KCNQ5: variants seen among roughly 807,000 people sequenced by gnomAD.
The protein encoded by KCNQ5 is potassium voltage-gated channel subfamily KQT member 5.
A neutral mutation model predicts 98.2 loss-of-function variants in KCNQ5; 30 were observed. That is an observed-to-expected ratio of 0.31 (90% confidence interval 0.23 to 0.41). The LOEUF is 0.41. Among genes scored for constraint, KCNQ5 ranks in the 10% least tolerant of loss-of-function variants. The probability of loss-of-function intolerance (pLI) is 1.00; values close to 1 mark genes in which losing one functional copy is unlikely to be tolerated. For synonymous variants in KCNQ5, 458 were observed against 449.4 expected, an observed-to-expected ratio of 1.02 and a Z score of -0.24; for missense variants, 835 against 1,182.5, an observed-to-expected ratio of 0.71 and a Z score of 4.31.
rs758445586 is a variant in KCNQ5 at position 72,622,611 on chromosome 6, T to A, written c.398+24T>A. ...GTGTGAGTACCCGCGCCCCCTGCTA[T>A]GCCCGCTGCAGGGGACCACTGTCCC... On this transcript the variant is annotated intron_variant, in intron 1 of 13. Coordinates refer to ENST00000370398, the MANE Select transcript of KCNQ5 (RefSeq NM_019842.4). This position sits in a 1 kb window ranked among gnomAD's most constrained non-coding sequence, Gnocchi z 6.0. 3 of 1,610,458 alleles carry A rather than the reference T, an allele frequency of 1.9e-6. No homozygotes were observed. In the African/African-American group the frequency reaches 4.0e-5, roughly 22 times the overall value.
intron 1 of KCNQ5, among the ~76,000 whole-genome samples, chr6:72,748,541 G>A (rs1224581063): frequency 1.3e-5 from 2 of 152,084 alleles, no homozygotes; most frequent in African/African-American, 4.8e-5. Context: ...TAATAACTGA[G>A]AAAAGACTGT....
At chr6:72,746,429 C>T (rs529258018) in intron 1 of KCNQ5, among the ~76,000 whole-genome samples, 1 of 152,260 alleles carries the variant, frequency 6.6e-6, no homozygotes, top group East Asian at 1.9e-4. Context: ...TCAGAAAGCA[C>T]TGGGAGGCAG....
intron 9 of KCNQ5, among the ~76,000 whole-genome samples, chr6:73,124,952 TA>T (rs1283503240): frequency 0.012 from 138 of 11,064 alleles, 4 homozygotes; most frequent in Middle Eastern, 0.077. Context: ...TATATATATA[TA>T]TATATATATA....
chr6:72,759,363 A>G (rs1041727384), intron 1 of KCNQ5, among the ~76,000 whole-genome samples: 1 of 152,116 alleles, frequency 6.6e-6, no homozygotes, highest in Admixed American at 6.6e-5. Flanking sequence ...GTTATAAGGG[A>G]AAAAAAATAT....
At chr6:72,881,760 C>T (rs1223361718) in intron 1 of KCNQ5, among the ~76,000 whole-genome samples, 1 of 152,142 alleles carries the variant, frequency 6.6e-6, no homozygotes, top group African/African-American at 2.4e-5. Context: ...GGCATGATCT[C>T]GGCTCACTGC....
chr6:72,912,627 C>A (rs1197356861), intron 1 of KCNQ5, among the ~76,000 whole-genome samples: 1 of 152,160 alleles, frequency 6.6e-6, no homozygotes, highest in Non-Finnish European at 1.5e-5. Context: ...GTATAATAAT[C>A]ACAATCCCAA....
chr6:73,043,471 C>T (rs2150358843), intron 3 of KCNQ5, among the ~76,000 whole-genome samples: 1 of 152,230 alleles, frequency 6.6e-6, no homozygotes, highest in South Asian at 2.1e-4. Flanking sequence ...TTCATAAAGC[C>T]CCAAGGCATA....
At position 73,081,061 on chromosome 6, in the gene KCNQ5, T is replaced by C. The variant is rs184966908; in HGVS notation, c.918+3174T>C. On this transcript the variant is annotated intron_variant, in intron 5 of 13. Coordinates refer to ENST00000370398, the MANE Select transcript of KCNQ5 (RefSeq NM_019842.4). ...TCAAATATGAGAGCTATTGTTGGTG[T>C]AGACATCATTGCTGTGGAAGTTAAA... 2.2e-3 allele frequency among the ~76,000 whole-genome samples: 328 copies of C among 152,344 alleles called. 3 individuals carry two copies. Among genetic ancestry groups the C allele is most frequent in the African/African-American group, 6.2e-3 (258 of 41,580 alleles).
At chr6:72,985,853 T>C (rs975423866) in intron 1 of KCNQ5, among the ~76,000 whole-genome samples, 2 of 152,164 alleles carry the variant, frequency 1.3e-5, no homozygotes, top group African/African-American at 4.8e-5. Flanking sequence ...AAAAGACATA[T>C]GTACTCCTGT....
At chr6:72,761,199 C>A (rs1294022639) in intron 1 of KCNQ5, among the ~76,000 whole-genome samples, 3 of 152,038 alleles carry the variant, frequency 2.0e-5, no homozygotes, top group Non-Finnish European at 4.4e-5. Flanking sequence ...GAATGATGAA[C>A]TTATTTCTTT....
chr6:72,667,222 G>A (rs1386775727), intron 1 of KCNQ5, among the ~76,000 whole-genome samples: 2 of 152,206 alleles, frequency 1.3e-5, no homozygotes, highest in South Asian at 2.1e-4. Flanking sequence ...CAAGCAAGGG[G>A]AGTGGAATGG....
chr6:72,829,801 TA>T (rs1776160687), intron 1 of KCNQ5, among the ~76,000 whole-genome samples: 1 of 152,088 alleles, frequency 6.6e-6, no homozygotes, highest in Non-Finnish European at 1.5e-5. Context: ...CAAGTTTACA[TA>T]AAAAAGAACG....
intron 1 of KCNQ5, among the ~76,000 whole-genome samples, chr6:72,978,364 T>A (rs1768257297): frequency 6.6e-6 from 1 of 152,224 alleles, no homozygotes; most frequent in Admixed American, 6.5e-5. Context: ...TCATTCCCAG[T>A]CATTCCATTC....
intron 1 of KCNQ5, among the ~76,000 whole-genome samples, chr6:72,648,893 G>C (rs17749420): frequency 0.13 from 20,138 of 151,846 alleles, 1,487 homozygotes; most frequent in Non-Finnish European, 0.18. Context: ...CATGTGGCTG[G>C]TTATACTCAA....
chr6:73,014,803 G>C (rs1040077249), intron 2 of KCNQ5, among the ~76,000 whole-genome samples: 5 of 151,794 alleles, frequency 3.3e-5, no homozygotes, highest in African/African-American at 1.2e-4. Context: ...TTTTTAATGC[G>C]GGCACATGCA....
intron 5 of KCNQ5, among the ~76,000 whole-genome samples, chr6:73,096,248 T>C (rs1446464691): frequency 6.7e-6 from 1 of 148,286 alleles, no homozygotes; most frequent in Non-Finnish European, 1.5e-5. Context: ...TGGTTTTCTG[T>C]GGAGCTGACA....
chr6:72,930,661 C>T (rs541549899), intron 1 of KCNQ5, among the ~76,000 whole-genome samples: 1 of 150,040 alleles, frequency 6.7e-6, no homozygotes, highest in African/African-American at 2.5e-5. Context: ...CTTTAATTAA[C>T]CATATGCACT....
At chr6:73,187,543 A>G (rs2150521184) in intron 11 of KCNQ5, among the ~76,000 whole-genome samples, 1 of 152,362 alleles carries the variant, frequency 6.6e-6, no homozygotes, top group Admixed American at 6.5e-5. Flanking sequence ...GAAAAAAGGC[A>G]ATACCACCTG....
chr6:72,823,782 A>C (rs1451463818), intron 1 of KCNQ5, among the ~76,000 whole-genome samples: 4 of 152,160 alleles, frequency 2.6e-5, no homozygotes, highest in African/African-American at 9.7e-5. Flanking sequence ...TTGGAGTGAA[A>C]AAAAATTCCG....
Sources: gnomAD v4.1 joint callset for allele counts (sites outside exome capture counted in the v4.1 genomes callset) on GRCh38, gnomAD v4.1.1 for gene constraint, Gnocchi (gnomAD v3.1) non-coding constraint, MANE v1.5 for transcripts, NCBI Gene and HGNC (gene_info 2026-07-23, HGNC 2026-07-21) for gene names.